RABGAP1: variants seen among roughly 807,000 people sequenced by gnomAD.
The protein encoded by RABGAP1 is RAB GTPase activating protein 1, also known as rab GTPase-activating protein 1.
In RABGAP1, 23 loss-of-function variants were observed where a neutral mutation model predicts 137.6. That is an observed-to-expected ratio of 0.17 (90% CI 0.12 to 0.24). The LOEUF (loss-of-function observed/expected upper bound fraction) is 0.24. Ranked by LOEUF, RABGAP1 falls within the 10% of genes least tolerant of loss-of-function variation. The probability of loss-of-function intolerance (pLI) is 1.00; values close to 1 mark genes in which losing one functional copy is unlikely to be tolerated. For missense variants in RABGAP1, 906 were observed against 1,275.8 expected (o/e 0.71, Z 4.42); for synonymous variants, 451 against 450.7 (o/e 1.00, Z -0.01).
intron 1 of RABGAP1, among the ~76,000 whole-genome samples, chr9:122,942,196 G>C (rs1012428221): frequency 6.6e-6 from 1 of 152,214 alleles, no homozygotes; most frequent in African/African-American, 2.4e-5. Context: ...AAAAACAACG[G>C]AAGGTGAATG....
At chr9:123,003,179 C>A (rs1464549483) in intron 10 of RABGAP1, among the ~76,000 whole-genome samples, 1 of 152,120 alleles carries the variant, frequency 6.6e-6, no homozygotes, top group Non-Finnish European at 1.5e-5. Context: ...ATTTGAGGTT[C>A]AACTGTGACC....
chr9:123,101,351 G>T (rs540938890), intron 24 of RABGAP1, among the ~76,000 whole-genome samples: 1 of 152,124 alleles, frequency 6.6e-6, no homozygotes, highest in Non-Finnish European at 1.5e-5. Flanking sequence ...TGAGATTACT[G>T]AATCAAGACA....
intron 14 of RABGAP1, 187 bp downstream of exon 14, chr9:123,065,648 A>C: frequency 1.8e-6 from 1 of 547,374 alleles, no homozygotes; most frequent in Non-Finnish European, 3.3e-6. Context: ...AATAATAAGA[A>C]ATAAAATGGT....
chr9:123,012,153 G>C (rs2030864128), intron 11 of RABGAP1, among the ~76,000 whole-genome samples: 1 of 152,176 alleles, frequency 6.6e-6, no homozygotes, highest in Non-Finnish European at 1.5e-5. Flanking sequence ...CATATGTATT[G>C]TTTTTGATGT....
intron 19 of RABGAP1, among the ~76,000 whole-genome samples, chr9:123,079,244 T>TTTTG: frequency 7.4e-6 from 1 of 135,240 alleles, no homozygotes; most frequent in East Asian, 2.3e-4. Flanking sequence ...GTTTTGTTTT[T>TTTTG]TTTTTTTTTT....
chr9:122,935,387 G>A, the RABGAP1 span, among the ~76,000 whole-genome samples: 27 of 151,986 alleles, frequency 1.8e-4, no homozygotes, highest in African/African-American at 5.1e-4. Flanking sequence ...ACCCAGGCTG[G>A]AGTGCAATGG....
intron 10 of RABGAP1, among the ~76,000 whole-genome samples, chr9:123,000,638 A>G (rs527803562): frequency 3.5e-4 from 53 of 152,232 alleles, no homozygotes; most frequent in African/African-American, 8.7e-4. Flanking sequence ...CTAGAGTACA[A>G]TAGTCCTCAT....
chr9:122,972,711 G>A (rs1029920817), intron 2 of RABGAP1, among the ~76,000 whole-genome samples: 6 of 152,052 alleles, frequency 3.9e-5, no homozygotes, highest in Admixed American at 1.3e-4. Flanking sequence ...GATGAGCAAA[G>A]GGTGCTATAG....
chr9:123,008,868 A>G (rs988796511), intron 10 of RABGAP1, among the ~76,000 whole-genome samples: 2 of 152,206 alleles, frequency 1.3e-5, no homozygotes, highest in African/African-American at 4.8e-5. Flanking sequence ...AAACTGGTTA[A>G]TGTCCTTTAG....
At chr9:123,040,604 C>T (rs1381009911) in intron 13 of RABGAP1, among the ~76,000 whole-genome samples, 3 of 152,098 alleles carry the variant, frequency 2.0e-5, no homozygotes, top group Admixed American at 2.0e-4. Context: ...CATTCTTTCT[C>T]TTTAAGGTGC....
intron 13 of RABGAP1, chr9:123,035,275 G>A (rs1203749504): frequency 6.2e-7 from 1 of 1,614,026 alleles, no homozygotes; most frequent in Non-Finnish European, 8.5e-7. Context: ...CAGCCAGAGT[G>A]GGGAGACTGG....
At chr9:123,018,220 T>C (rs987854680) in intron 12 of RABGAP1, among the ~76,000 whole-genome samples, 3 of 151,806 alleles carry the variant, frequency 2.0e-5, no homozygotes, top group African/African-American at 7.2e-5. Context: ...GGTCCTGATC[T>C]CCTGACCTCG....
Position 123,103,588 on chromosome 9 carries a change from C to CATAT in RABGAP1, c.*421_*424dup. ...TTCTAAACCTTTTTTTTTTAATATA[C>CATAT]ATATATATATATATATATATATATA... On this transcript the variant is annotated 3_prime_UTR_variant, in exon 26 of 26. Coordinates refer to ENST00000373647, the MANE Select transcript of RABGAP1 (RefSeq NM_012197.4). The CATAT allele has an allele frequency of 5.4e-3, 240 of 44,842 alleles. 5 individuals are homozygous for CATAT. The highest frequency in any genetic ancestry group is 0.014 in the Middle Eastern group (1 of 72). The allele number at this position is 44,842 out of a possible 1,614,324, so 2.8% of individuals were successfully genotyped here.
chr9:123,063,722 AAATT>A (rs913083606), intron 13 of RABGAP1, among the ~76,000 whole-genome samples: 9 of 152,350 alleles, frequency 5.9e-5, no homozygotes, highest in African/African-American at 1.4e-4. Flanking sequence ...CCACTTTAAA[AAATT>A]AATTGTCTTT....
chr9:123,004,258 C>T, intron 10 of RABGAP1, among the ~76,000 whole-genome samples: 1 of 152,020 alleles, frequency 6.6e-6, no homozygotes, highest in African/African-American at 2.4e-5. Flanking sequence ...GGGGGTGACG[C>T]TTTGGCAACT....
the RABGAP1 span, among the ~76,000 whole-genome samples, chr9:122,932,159 T>C: frequency 6.6e-6 from 1 of 152,222 alleles, no homozygotes; most frequent in Non-Finnish European, 1.5e-5. Context: ...TTGAGGATCC[T>C]TCTAGAGTTC....
intron 1 of RABGAP1, among the ~76,000 whole-genome samples, chr9:122,944,214 A>G (rs188269238): frequency 6.6e-6 from 1 of 152,262 alleles, no homozygotes; most frequent in East Asian, 1.9e-4. Context: ...ATGTGGAATA[A>G]ATGAATACAA....
At chr9:123,011,491 G>C (rs548709534) in intron 11 of RABGAP1, among the ~76,000 whole-genome samples, 2 of 152,302 alleles carry the variant, frequency 1.3e-5, no homozygotes, top group South Asian at 4.1e-4. Context: ...TTCATGTTTA[G>C]AGTGAGCACT....
chr9:122,942,736 G>A (rs907429004), intron 1 of RABGAP1, among the ~76,000 whole-genome samples: 1 of 149,680 alleles, frequency 6.7e-6, no homozygotes, highest in African/African-American at 2.4e-5. Flanking sequence ...ATCTTCCTGT[G>A]TAGAGTTCAC....
Sources: allele counts gnomAD v4.1 joint callset (sites outside exome capture counted in the v4.1 genomes callset), GRCh38; gene constraint gnomAD v4.1.1; transcripts MANE v1.5; gene names NCBI Gene and HGNC (gene_info 2026-07-23, HGNC 2026-07-21).